Variants in HARS2 observed in about 807,000 individuals in gnomAD.
HARS2 encodes histidyl-tRNA synthetase 2, mitochondrial, also known as histidine--tRNA ligase, mitochondrial.
A neutral mutation model predicts 62.4 loss-of-function variants in HARS2; 40 were observed. That is an observed-to-expected ratio of 0.64 (90% CI 0.50 to 0.83). The LOEUF is 0.83. Among genes scored for constraint, HARS2 ranks in the 40% least tolerant of loss-of-function variants. The pLI is 0.00. For missense variants in HARS2, 569 were observed against 626.4 expected (o/e 0.91, Z 0.98); for synonymous variants, 228 against 227.0 (o/e 1.00, Z -0.04).
intron 1 of HARS2, 120 bp downstream of exon 1, chr5:140,691,876 A>G: frequency 1.4e-6 from 1 of 733,400 alleles, no homozygotes; most frequent in Non-Finnish European, 2.4e-6. Context: ...CCCACTATGT[A>G]CTGACACTGA....
intron 6 of HARS2, 24 bp from the exon 7 acceptor site, chr5:140,696,079 G>A (rs1759729465): frequency 1.9e-6 from 3 of 1,544,688 alleles, no homozygotes; most frequent in African/African-American, 2.7e-5. Flanking sequence ...ACAAGCACTT[G>A]GGTCACTGAC....
In HARS2 at chr5:140,697,211, A is replaced by T; in HGVS notation, c.1002A>T (p.Gly334=). Reference sequence around the variant, plus strand: ...CTCGGGGCCTAGACTACTATACAGGAGTGATCTATGAAGCAGTGCTGCTGC... The same window carrying T: ...CTCGGGGCCTAGACTACTATACAGGTGTGATCTATGAAGCAGTGCTGCTGC... The part of the protein sequence containing the change: ...SLARGLDYYT[G]VIYEAVLLQT... Residue 334 remains glycine, a synonymous_variant, in exon 10 of 13, where the codon GGA becomes GGT. Coordinates refer to ENST00000230771, the MANE Select transcript of HARS2 (RefSeq NM_012208.4). 6.2e-7 allele frequency: 1 copy of T among 1,614,090 alleles called. No homozygotes were observed. The highest frequency in any genetic ancestry group is 1.1e-5 in the South Asian group (1 of 91,080).
chr5:140,694,178 C>G lies in HARS2; in HGVS notation c.304-7C>G, dbSNP rs1354988915. The G allele has an allele frequency of 2.5e-6, 4 of 1,609,100 alleles. No homozygotes were observed. Among genetic ancestry groups the G allele is most frequent in the Non-Finnish European group, 3.4e-6 (4 of 1,175,534 alleles). Reference sequence around the variant, plus strand: ...CAACTGTGGCTCATTCTGTTTGACCCCTATAGGAAACCCTGACTGAGAAGT... The same window carrying G: ...CAACTGTGGCTCATTCTGTTTGACCGCTATAGGAAACCCTGACTGAGAAGT... On this transcript the variant is annotated splice_polypyrimidine_tract_variant and splice_region_variant and intron_variant, in intron 3 of 12. Coordinates refer to ENST00000230771, the MANE Select transcript of HARS2 (RefSeq NM_012208.4).
At position 140,695,549 on chromosome 5, in the gene HARS2, G is replaced by A; in HGVS notation, c.441G>A (p.Lys147=). 6.2e-7 allele frequency: 1 copy of A among 1,614,156 alleles called. No homozygotes were observed. Among genetic ancestry groups the A allele is most frequent in the Non-Finnish European group, 8.5e-7 (1 of 1,180,024 alleles). Residue 147 remains lysine (K), a synonymous_variant, in exon 5 of 13, where the codon AAG becomes AAA. Transcript: ENST00000230771. ...ATCTGGCCATGAATAAGGTGAAGAAGATGAAACGTTATCATGTTGGAAAGG... is the reference window on the plus strand; with the variant it reads ...ATCTGGCCATGAATAAGGTGAAGAAAATGAAACGTTATCATGTTGGAAAGG... ...ARYLAMNKVK[K]MKRYHVGKVW...
In HARS2 at chr5:140,697,922, T is replaced by C. The variant is rs377695760; in HGVS notation, c.1315-10T>C. 8.1e-6 allele frequency: 13 copies of C among 1,613,162 alleles called. 1 individual carries two copies. On this transcript the variant is annotated splice_polypyrimidine_tract_variant and intron_variant, in intron 11 of 12. Coordinates refer to ENST00000230771, the MANE Select transcript of HARS2 (RefSeq NM_012208.4). ...TTCTAAGTCCCTTACTCTGTCTTGA[T>C]CCTTTTCAGGCAGAGATGCTATACA...
rs745560786 is a variant in HARS2 at position 140,694,156 on chromosome 5, C to T, written c.304-29C>T. 6 of 1,602,104 alleles carry T rather than the reference C, an allele frequency of 3.7e-6. No individual in the cohort carries two copies. The Admixed American group carries it at 5.0e-5, about 13-fold the overall frequency. Reference sequence around the variant, plus strand: ...CTGTGTTTTGGAGTCATGCTTTCAACTGTGGCTCATTCTGTTTGACCCCTA... The same window carrying T: ...CTGTGTTTTGGAGTCATGCTTTCAATTGTGGCTCATTCTGTTTGACCCCTA... On this transcript the variant is annotated intron_variant, in intron 3 of 12. Transcript: ENST00000230771.
intron 4 of HARS2, 69 bp downstream of exon 4, chr5:140,694,349 G>A: frequency 1.9e-6 from 2 of 1,065,822 alleles, no homozygotes; most frequent in Non-Finnish European, 2.9e-6. Context: ...TGACAAAAGT[G>A]GAGAACGTGA....
Position 140,697,023 on chromosome 5 carries a change from C to G in HARS2, c.907C>G (p.Leu303Val). 6.2e-7 allele frequency: 1 copy of G among 1,614,054 alleles called. No homozygotes were observed. The change falls in exon 9 of 13, where the codon CTA (leucine) becomes GTA (valine). Residue 303 changes from leucine (L) to valine (V), a missense_variant. Leu to Val is a conservative substitution (Grantham distance 32, BLOSUM62 1). Coordinates refer to ENST00000230771, the MANE Select transcript of HARS2 (RefSeq NM_012208.4). Reference sequence around the variant, plus strand: ...GCAGGCCCTGGAGGGCCTGGGAGACCTAAAGCTGCTATTTGAATACCTGAC... The same window carrying G: ...GCAGGCCCTGGAGGGCCTGGGAGACGTAAAGCTGCTATTTGAATACCTGAC... The part of the protein sequence containing the change: ...NKQALEGLGD[L>V]KLLFEYLTLF...
chr5:140,695,988 T>C, intron 6 of HARS2, 115 bp from the exon 7 acceptor site: 1 of 982,714 alleles, frequency 1.0e-6, no homozygotes, highest in Non-Finnish European at 1.7e-6. Context: ...CCTATATGTC[T>C]GTACTCTTCC....
Position 140,693,614 on chromosome 5 carries a change from C to T in HARS2, c.132C>T (p.Ser44=), listed in dbSNP as rs1379202970. 6.2e-7 allele frequency: 1 copy of T among 1,613,810 alleles called. No homozygotes were observed. Among genetic ancestry groups the T allele is most frequent in the Non-Finnish European group, 8.5e-7 (1 of 1,179,876 alleles). Residue 44 remains serine (S), a synonymous_variant, in exon 2 of 13, where the codon TCC becomes TCT. Transcript: ENST00000230771. ...QSQVAEAVLT[S]QLKAHQEKPN... Reference sequence around the variant, plus strand: ...AGGTTGCAGAGGCAGTGTTAACATCCCAACTGAAAGCACATCAAGAGAAAC... The same window carrying T: ...AGGTTGCAGAGGCAGTGTTAACATCTCAACTGAAAGCACATCAAGAGAAAC...
rs754747224 is a variant in HARS2, at chr5:140,697,307, G to A, written c.1098G>A (p.Gly366=). Reference sequence around the variant, plus strand: ...TGGCTGCTGGTGGGCGCTATGATGGGCTGGTGGGCATGTTTGACCCCAAGG... The same window carrying A: ...TGGCTGCTGGTGGGCGCTATGATGGACTGGTGGGCATGTTTGACCCCAAGG... ...GSVAAGGRYD[G]LVGMFDPKGH... The change falls in exon 10 of 13, where the codon GGG becomes GGA. Residue 366 remains glycine (G), a synonymous_variant. Transcript: ENST00000230771. 2.5e-6 allele frequency: 4 copies of A among 1,614,150 alleles called. No homozygotes were observed. In the South Asian group the frequency reaches 3.3e-5, roughly 13 times the overall value.
At position 140,695,608 on chromosome 5, in the gene HARS2, GC is replaced by G; in HGVS notation, c.502del (p.Arg168ValfsTer19). On this transcript the variant is annotated frameshift_variant, in exon 5 of 13. Coordinates refer to ENST00000230771, the MANE Select transcript of HARS2 (RefSeq NM_012208.4). LOFTEE classifies it high-confidence loss of function. ...WRRESPTIVQ[G>X]RYREFCQCDF... ...CGAGAGAGCCCAACCATAGTCCAAGGCCGTTATAGGGAGTTCTGCCAGTGTG... is the reference window on the plus strand; with the variant it reads ...CGAGAGAGCCCAACCATAGTCCAAGGCGTTATAGGGAGTTCTGCCAGTGTG... 6.2e-7 allele frequency: 1 copy of G among 1,614,238 alleles called. No individual in the cohort carries two copies. The highest frequency in any genetic ancestry group is 8.5e-7 in the Non-Finnish European group (1 of 1,180,048).
chr5:140,698,448 G>C (rs747879373), intron 12 of HARS2, 45 bp from the exon 13 acceptor site: 1 of 1,346,998 alleles, frequency 7.4e-7, no homozygotes, highest in Middle Eastern at 1.8e-4. Flanking sequence ...TAAGGAGTTA[G>C]TATCACTTTC....
Position 140,693,499 on chromosome 5 carries a change from G to A in HARS2, c.109-92G>A, listed in dbSNP as rs369880298. On this transcript the variant is annotated intron_variant, in intron 1 of 12. Coordinates refer to ENST00000230771, the MANE Select transcript of HARS2 (RefSeq NM_012208.4). Reference sequence around the variant, plus strand: ...GGCTTCCTGTTGCTCAGGGTGAAGAGTCTTTGCAGGTTGGTGGTCAACAGG... The same window carrying A: ...GGCTTCCTGTTGCTCAGGGTGAAGAATCTTTGCAGGTTGGTGGTCAACAGG... 1.5e-4 allele frequency: 238 copies of A among 1,608,216 alleles called. 5 individuals are homozygous for A. In the East Asian group the frequency reaches 1.8e-3, roughly 12 times the overall value.
chr5:140,691,598 C>T lies in HARS2; in HGVS notation c.-51C>T, dbSNP rs1224117995. 1.6e-6 allele frequency: 2 copies of T among 1,233,400 alleles called. No homozygotes were observed. The highest frequency in any genetic ancestry group is 1.5e-5 in the African/African-American group (1 of 66,974). The allele number at this position is 1,233,400 out of a possible 1,614,324, so 76.4% of individuals were successfully genotyped here. On this transcript the variant is annotated 5_prime_UTR_variant, in exon 1 of 13. Coordinates refer to ENST00000230771, the MANE Select transcript of HARS2 (RefSeq NM_012208.4). Reference sequence around the variant, plus strand: ...ACCCTTCCTGGTGTCTGACCCGCCTCCTTCCCAGGCCTTTTGTTCCTGTCC... The same window carrying T: ...ACCCTTCCTGGTGTCTGACCCGCCTTCTTCCCAGGCCTTTTGTTCCTGTCC...
rs780761022 is a variant in HARS2 at position 140,696,206 on chromosome 5, C to A, written c.732+5C>A. ...TCCATAGATAAACTAGACAAGGTAA[C>A]AAAGAAGACATACTTCAGTAGACCC... On this transcript the variant is annotated splice_donor_5th_base_variant and intron_variant, in intron 7 of 12. Transcript: ENST00000230771. 42 of 1,577,364 alleles carry A rather than the reference C, an allele frequency of 2.7e-5. No individual in the cohort carries two copies. Among genetic ancestry groups the A allele is most frequent in the Non-Finnish European group, 3.6e-5 (41 of 1,146,486 alleles).
At chr5:140,692,965 C>T (rs1332032433) in intron 1 of HARS2, among the ~76,000 whole-genome samples, 1 of 151,974 alleles carries the variant, frequency 6.6e-6, no homozygotes, top group African/African-American at 2.4e-5. Flanking sequence ...AATCCCTACC[C>T]CTGAATGGTT....
At chr5:140,694,320 A>T in intron 4 of HARS2, 40 bp downstream of exon 4, 1 of 1,387,564 alleles carries the variant, frequency 7.2e-7, no homozygotes, top group Non-Finnish European at 1.0e-6. Flanking sequence ...GTCTCTTTCC[A>T]AATCCAGCGG....
rs748682790 is a variant in HARS2, at chr5:140,697,913, C to G, written c.1315-19C>G. 3.7e-6 allele frequency: 6 copies of G among 1,612,292 alleles called. No individual in the cohort carries two copies. Among genetic ancestry groups the G allele is most frequent in the Non-Finnish European group, 5.1e-6 (6 of 1,178,410 alleles). ...TGTGTTCACTTCTAAGTCCCTTACT[C>G]TGTCTTGATCCTTTTCAGGCAGAGA... On this transcript the variant is annotated intron_variant, in intron 11 of 12. Coordinates refer to ENST00000230771, the MANE Select transcript of HARS2 (RefSeq NM_012208.4).
Sources: allele counts gnomAD v4.1 joint callset (sites outside exome capture counted in the v4.1 genomes callset), GRCh38; gene constraint gnomAD v4.1.1; transcripts MANE v1.5; gene names NCBI Gene and HGNC (gene_info 2026-07-23, HGNC 2026-07-21).